Variants in DDX5 observed in about 807,000 individuals in gnomAD.
DDX5 encodes the protein probable ATP-dependent RNA helicase DDX5.
DDX5 carries 6 observed loss-of-function variants against 68.6 expected under a neutral mutation model. The observed-to-expected ratio is 0.09, with a 90% confidence interval of 0.05 to 0.17. The LOEUF (loss-of-function observed/expected upper bound fraction) is 0.17. Ranked by LOEUF, DDX5 falls within the 10% of genes least tolerant of loss-of-function variation. DDX5 has a pLI of 1.00. For synonymous variants in DDX5, 350 were observed against 247.0 expected, an observed-to-expected ratio of 1.42 and a Z score of -3.91; for missense variants, 499 against 756.1, an observed-to-expected ratio of 0.66 and a Z score of 3.99.
At position 64,499,122 on chromosome 17, in the gene DDX5, A is replaced by C. The variant is rs1474639934; in HGVS notation, c.*801T>G. On this transcript the variant is annotated 3_prime_UTR_variant, in exon 13 of 13. Transcript: ENST00000225792. ...CAAGCTTAGCTCCTGGCCATCTTAAAGGGCTAATGTATGTCTTTCACAGGT... is the reference window on the plus strand; with the variant it reads ...CAAGCTTAGCTCCTGGCCATCTTAACGGGCTAATGTATGTCTTTCACAGGT... 6.6e-6 allele frequency among the ~76,000 whole-genome samples: 1 copy of C among 152,214 alleles called. No individual in the cohort carries two copies. Among genetic ancestry groups the C allele is most frequent in the Non-Finnish European group, 1.5e-5 (1 of 68,032 alleles).
intron 1 of DDX5, chr17:64,505,605 C>G: frequency 1.1e-6 from 1 of 897,020 alleles, no homozygotes; most frequent in Non-Finnish European, 1.8e-6. Flanking sequence ...ATGTCCGAGG[C>G]CGGCATTTTG....
intron 12 of DDX5, 51 bp downstream of exon 12, chr17:64,500,498 A>T (rs2038271784): frequency 6.4e-7 from 1 of 1,566,416 alleles, no homozygotes; most frequent in African/African-American, 1.4e-5. Flanking sequence ...ATGGATTTGT[A>T]GACAACGATG....
chr17:64,502,251 A>G, intron 9 of DDX5, 28 bp from the exon 10 acceptor site: 4 of 1,603,320 alleles, frequency 2.5e-6, no homozygotes, highest in Non-Finnish European at 3.4e-6. Context: ...TTGTGTTATT[A>G]AACTCACATT....
intron 1 of DDX5, chr17:64,505,720 CAAA>C (rs1234007328): frequency 1.3e-6 from 2 of 1,535,844 alleles, no homozygotes; most frequent in East Asian, 4.9e-5. Flanking sequence ...CCGGCCACCC[CAAA>C]AACACCTCCC....
rs1335966425 is a variant in DDX5, at chr17:64,498,933, TTGAG to T, written c.*986_*989del. ...ATTTTAATGAGGTTTTTTCCTTGTG[TTGAG>T]TATGAATAGACCTTACAGTTTGAGG... On this transcript the variant is annotated 3_prime_UTR_variant, in exon 13 of 13. Coordinates refer to ENST00000225792, the MANE Select transcript of DDX5 (RefSeq NM_004396.5). 3.3e-5 allele frequency among the ~76,000 whole-genome samples: 5 copies of T among 152,232 alleles called. No individual in the cohort carries two copies. Among genetic ancestry groups the T allele is most frequent in the African/African-American group, 9.6e-5 (4 of 41,456 alleles).
At position 64,498,857 on chromosome 17, in the gene DDX5, A is replaced by G. The variant is rs2038222839; in HGVS notation, c.*1066T>C. On this transcript the variant is annotated 3_prime_UTR_variant, in exon 13 of 13. Transcript: ENST00000225792. ...TAAACCCATGTTGAACCTACCATGA[A>G]AACTTTCATTCACTGTGCTTTTGGT... 1.3e-5 allele frequency among the ~76,000 whole-genome samples: 2 copies of G among 152,208 alleles called. No individual in the cohort carries two copies. Among genetic ancestry groups the G allele is most frequent in the African/African-American group, 4.8e-5 (2 of 41,460 alleles).
chr17:64,503,692 T>C (rs1024746208), intron 5 of DDX5, 111 bp downstream of exon 5: 22 of 1,522,160 alleles, frequency 1.4e-5, no homozygotes, highest in Non-Finnish European at 2.0e-5. Context: ...TCCAGCTGAA[T>C]AGGGTGAGCT....
intron 1 of DDX5, chr17:64,505,380 G>A (rs562323473): frequency 2.7e-4 from 124 of 462,308 alleles, no homozygotes; most frequent in Non-Finnish European, 4.6e-4. Context: ...TAGAGCTCCG[G>A]ATCAACGAAT....
chr17:64,504,494 C>T (rs1555671749), intron 2 of DDX5, 176 bp from the exon 3 acceptor site: 3 of 930,002 alleles, frequency 3.2e-6, no homozygotes, highest in Non-Finnish European at 3.2e-6. Flanking sequence ...TTATACTCAA[C>T]CTAATTTAAG....
chr17:64,503,030 G>A lies in DDX5; in HGVS notation c.879C>T (p.Phe293=), dbSNP rs782390063. ...TGTTTATATGAATATAGTCTTTCAGGAAATCTTCAGCAAGCTGTCTTACTT... is the reference window on the plus strand; with the variant it reads ...TGTTTATATGAATATAGTCTTTCAGAAAATCTTCAGCAAGCTGTCTTACTT... ...PKEVRQLAED[F]LKDYIHINIG... The change falls in exon 8 of 13, where the codon TTC becomes TTT. Residue 293 remains phenylalanine, a synonymous_variant. Transcript: ENST00000225792. The A allele has an allele frequency of 8.1e-6, 13 of 1,614,088 alleles. No individual in the cohort carries two copies. Among genetic ancestry groups the A allele is most frequent in the Non-Finnish European group, 1.1e-5 (13 of 1,180,002 alleles).
chr17:64,501,821 CCGATCA>C, intron 11 of DDX5, 183 bp downstream of exon 11: 2 of 610,762 alleles, frequency 3.3e-6, no homozygotes, highest in East Asian at 5.5e-5. Context: ...AAGCAGCCAG[CCGATCA>C]CTAGTCCTCC....
chr17:64,501,064 C>T (rs557085422), intron 11 of DDX5: 55 of 459,596 alleles, frequency 1.2e-4, no homozygotes, highest in African/African-American at 2.3e-4. Flanking sequence ...TACAGATCAT[C>T]AAGTGACATC....
intron 1 of DDX5, chr17:64,505,745 C>T: frequency 1.3e-6 from 2 of 1,536,182 alleles, no homozygotes; most frequent in South Asian, 1.2e-5. Flanking sequence ...AAACGCCGCA[C>T]CTAACAGATG....
chr17:64,506,068 A>C lies in DDX5; in HGVS notation c.44+8T>G. 1 of 1,276,084 alleles carries C rather than the reference A, an allele frequency of 7.8e-7. No individual in the cohort carries two copies. 79.0% of individuals were successfully genotyped at this position (1,276,084 alleles called of 1,614,324 possible). The stretch of plus-strand genomic sequence containing the variant: ...CGCCAGGCCTGACAGCTCGGCTCCC[A>C]AACTCACCCTCGGTCCCGGCCGCGG... On this transcript the variant is annotated splice_region_variant and intron_variant, in intron 1 of 12. Transcript: ENST00000225792.
rs1555672479 is a variant in DDX5 at position 64,506,090 on chromosome 17, G to A, written c.30C>T (p.Arg10=). 4 of 1,413,356 alleles carry A rather than the reference G, an allele frequency of 2.8e-6. No individual in the cohort carries two copies. Among genetic ancestry groups the A allele is most frequent in the African/African-American group, 1.5e-5 (1 of 64,572 alleles). 87.6% of individuals were successfully genotyped at this position (1,413,356 alleles called of 1,614,324 possible). A position where few individuals can be genotyped will look rare whatever the true frequency, so the allele number is the denominator to read the frequency against. ...CCCAAACTCACCCTCGGTCCCGGCC[G>A]CGGTCTCGGTCACTCGAATAACCCG... The part of the protein sequence containing the change: MSGYSSDRD[R]GRDRGFGAPR... The change falls in exon 1 of 13, where the codon CGC becomes CGT. Residue 10 remains arginine, a synonymous_variant. Transcript: ENST00000225792.
rs1259869458 is a variant in DDX5, at chr17:64,505,318, G to A, written c.45-476C>T. 17 of 368,544 alleles carry A rather than the reference G, an allele frequency of 4.6e-5. No homozygotes were observed. The Admixed American group carries it at 6.4e-4, about 14-fold the overall frequency. 22.8% of individuals were successfully genotyped at this position (368,544 alleles called of 1,614,324 possible). ...GTACAGTCAGCGATAACAGAACAAGGGTTTTCTCAGAAACACTTCTGCTAG... is the reference window on the plus strand; with the variant it reads ...GTACAGTCAGCGATAACAGAACAAGAGTTTTCTCAGAAACACTTCTGCTAG... On this transcript the variant is annotated intron_variant, in intron 1 of 12. Transcript: ENST00000225792.
rs367725974 is a variant in DDX5, at chr17:64,504,194, G to C, written c.307+28C>G. 11 of 1,612,416 alleles carry C rather than the reference G, an allele frequency of 6.8e-6. No homozygotes were observed. In the East Asian group the frequency reaches 2.0e-4, roughly 29 times the overall value. On this transcript the variant is annotated intron_variant, in intron 3 of 12. Coordinates refer to ENST00000225792, the MANE Select transcript of DDX5 (RefSeq NM_004396.5). Reference sequence around the variant, plus strand: ...GGGGTAGGTGGAAACAAAAACACGGGTAGGTAGAACTGAAAAGTAGCACTT... The same window carrying C: ...GGGGTAGGTGGAAACAAAAACACGGCTAGGTAGAACTGAAAAGTAGCACTT...
intron 1 of DDX5, chr17:64,505,489 G>A (rs1022730240): frequency 1.0e-5 from 6 of 579,558 alleles, no homozygotes; most frequent in South Asian, 4.3e-5. Flanking sequence ...CGTTCCCGCT[G>A]GGGCGGCGCT....
intron 3 of DDX5, 41 bp from the exon 4 acceptor site, chr17:64,504,157 CAAGAAA>C: frequency 6.2e-7 from 1 of 1,612,668 alleles, no homozygotes. Flanking sequence ...TTAGTGATGC[CAAGAAA>C]AAGAGGGGGT....
Sources: allele counts gnomAD v4.1 joint callset (sites outside exome capture counted in the v4.1 genomes callset), GRCh38; gene constraint gnomAD v4.1.1; transcripts MANE v1.5; gene names NCBI Gene and HGNC (gene_info 2026-07-23, HGNC 2026-07-21).